The following CEP63 variants were observed in gnomAD, a reference collection of about 807,000 sequenced individuals.
CEP63 encodes centrosomal protein 63.
CEP63 carries 84 observed loss-of-function variants against 89.1 expected under a neutral mutation model. That is an observed-to-expected ratio of 0.94 (90% CI 0.79 to 1.13). The LOEUF is 1.13. Ranked by LOEUF, CEP63 falls within the 50% of genes most tolerant of loss-of-function variation. The probability of loss-of-function intolerance (pLI) is 0.00; values close to 1 mark genes in which losing one functional copy is unlikely to be tolerated. For synonymous variants in CEP63, 267 were observed against 272.5 expected (o/e 0.98, Z 0.20); for missense variants, 838 against 813.3 (o/e 1.03, Z -0.37).
intron 1 of CEP63, among the ~76,000 whole-genome samples, chr3:134,493,336 A>T (rs895470849): frequency 1.3e-5 from 2 of 151,426 alleles, no homozygotes; most frequent in East Asian, 3.9e-4. Flanking sequence ...GCAGAGTAGG[A>T]CTGTATCCTG....
At chr3:134,610,309 G>A in the CEP63 span, 74 of 1,613,858 alleles carry the variant, frequency 4.6e-5, no homozygotes, top group East Asian at 1.2e-3. Context: ...AAACTCCCCC[G>A]AGAAGCTCTG....
chr3:134,764,567 A>G, the CEP63 span, among the ~76,000 whole-genome samples: 3 of 152,184 alleles, frequency 2.0e-5, no homozygotes, highest in Non-Finnish European at 4.4e-5. Context: ...GGGGCAGTAC[A>G]TAGACTTTGG....
the CEP63 span, among the ~76,000 whole-genome samples, chr3:134,671,049 T>A: frequency 1.3e-5 from 2 of 152,320 alleles, no homozygotes; most frequent in African/African-American, 4.8e-5. Context: ...CAGAATAGTG[T>A]TTCCTCTGGG....
At chr3:134,755,720 A>T in the CEP63 span, 21 of 152,204 alleles carry the variant, frequency 1.4e-4, no homozygotes, top group Non-Finnish European at 2.9e-4. Context: ...TCCCCTGCGT[A>T]GCCTGGATAC....
chr3:134,640,039 A>G, the CEP63 span: 1 of 154,014 alleles, frequency 6.5e-6, no homozygotes, highest in African/African-American at 2.5e-5. Context: ...CATTCAACCC[A>G]CACACCCACT....
chr3:134,606,625 G>C, the CEP63 span, among the ~76,000 whole-genome samples: 1 of 152,148 alleles, frequency 6.6e-6, no homozygotes, highest in African/African-American at 2.4e-5. Flanking sequence ...CGAACTCCTT[G>C]CTGGCCTGTG....
intron 12 of CEP63, among the ~76,000 whole-genome samples, chr3:134,556,274 G>C (rs1041769039): frequency 6.6e-6 from 1 of 152,020 alleles, no homozygotes; most frequent in Non-Finnish European, 1.5e-5. Flanking sequence ...ATTGACAAAT[G>C]GGATCTCATT....
the CEP63 span, among the ~76,000 whole-genome samples, chr3:134,738,322 G>A: frequency 1.3e-5 from 2 of 151,436 alleles, no homozygotes; most frequent in East Asian, 1.9e-4. Context: ...CGATTGATGG[G>A]CATTTGGGTT....
chr3:134,629,430 T>C, the CEP63 span: 3 of 559,074 alleles, frequency 5.4e-6, no homozygotes, highest in Non-Finnish European at 9.7e-6. Context: ...AGATGCAAAA[T>C]CAGCGGTAGC....
At chr3:134,619,405 A>C in the CEP63 span, 2 of 668,928 alleles carry the variant, frequency 3.0e-6, no homozygotes, top group Admixed American at 2.3e-5. Flanking sequence ...CCCAGCACAA[A>C]TGGGATCTGG....
the CEP63 span, among the ~76,000 whole-genome samples, chr3:134,764,832 G>A: frequency 6.6e-6 from 1 of 152,134 alleles, no homozygotes; most frequent in African/African-American, 2.4e-5. Flanking sequence ...CTACTTTGAG[G>A]TTACAGCCCC....
chr3:134,744,498 C>A, the CEP63 span, among the ~76,000 whole-genome samples: 1 of 152,124 alleles, frequency 6.6e-6, no homozygotes, highest in Non-Finnish European at 1.5e-5. Flanking sequence ...TCTGTAGGCT[C>A]CACTACTTCT....
chr3:134,777,708 G>A, the CEP63 span, among the ~76,000 whole-genome samples: 1 of 144,512 alleles, frequency 6.9e-6, no homozygotes, highest in Non-Finnish European at 1.5e-5. Context: ...CCGCCTCTCA[G>A]GTTCAAGCAA....
the CEP63 span, among the ~76,000 whole-genome samples, chr3:134,731,700 G>T: frequency 6.6e-6 from 1 of 152,120 alleles, no homozygotes; most frequent in South Asian, 2.1e-4. Context: ...AGGAGACAGA[G>T]ACTACCGAAA....
chr3:134,745,724 C>T, the CEP63 span, among the ~76,000 whole-genome samples: 8 of 151,918 alleles, frequency 5.3e-5, no homozygotes, highest in African/African-American at 1.7e-4. Flanking sequence ...TTATGTTCCC[C>T]GCCCTGTATC....
intron 3 of CEP63, chr3:134,510,568 C>T: frequency 1.8e-6 from 1 of 548,806 alleles, no homozygotes; most frequent in Non-Finnish European, 3.3e-6. Flanking sequence ...TACCTGTGAA[C>T]ACATTTGGGG....
Position 134,558,313 on chromosome 3 carries a change from A to C in CEP63, c.1639A>C (p.Ser547Arg), listed in dbSNP as rs766590254. ...TGACAGGATCTTTAAACCAACACAC[A>C]GCAGAACAACTGAGTTCAAGAATAC... ...QNDRIFKPTH[S>R]RTTEFKNTEF... The change falls in exon 13 of 15, where the codon AGC becomes CGC. Residue 547 changes from serine to arginine, a missense_variant. Ser to Arg is a moderately radical substitution (Grantham distance 110). Coordinates refer to ENST00000675561, the MANE Select transcript of CEP63 (RefSeq NM_001353108.3). 13 of 1,613,642 alleles carry C rather than the reference A, an allele frequency of 8.1e-6. No homozygotes were observed. In the Admixed American group the frequency reaches 2.2e-4, roughly 27 times the overall value.
intron 6 of CEP63, among the ~76,000 whole-genome samples, chr3:134,539,900 T>C (rs1951654751): frequency 6.6e-6 from 1 of 152,222 alleles, no homozygotes. Context: ...AATTCTACCG[T>C]TAAGAGATTT....
At chr3:134,588,549 C>G (rs941264980), downstream of CEP63, among the ~76,000 whole-genome samples, 2 of 152,150 alleles carry the variant, frequency 1.3e-5, no homozygotes, top group African/African-American at 4.8e-5. Context: ...CATGAAATGA[C>G]TACACTCTTG....
Sources: allele counts gnomAD v4.1 joint callset (sites outside exome capture counted in the v4.1 genomes callset), GRCh38; gene constraint gnomAD v4.1.1; transcripts MANE v1.5; gene names NCBI Gene and HGNC (gene_info 2026-07-23, HGNC 2026-07-21).